Variants in MROH2B observed in about 807,000 individuals in gnomAD.
MROH2B encodes maestro heat like repeat family member 2B.
A neutral mutation model predicts 208.6 loss-of-function variants in MROH2B; 177 were observed. The observed-to-expected ratio is 0.85, with a 90% confidence interval of 0.75 to 0.96. The LOEUF (loss-of-function observed/expected upper bound fraction) is 0.96, where lower values mean the gene tolerates loss of function less well. Ranked by LOEUF, MROH2B falls within the 40% of genes least tolerant of loss-of-function variation. The probability of loss-of-function intolerance (pLI) is 0.00; values close to 1 mark genes in which losing one functional copy is unlikely to be tolerated. For missense variants in MROH2B, 2,002 were observed against 1,878.7 expected, an observed-to-expected ratio of 1.07 and a Z score of -1.21; for synonymous variants, 728 against 659.0, an observed-to-expected ratio of 1.10 and a Z score of -1.60.
chr5:41,040,708 C>T (rs1294603611), intron 19 of MROH2B, among the ~76,000 whole-genome samples: 1 of 152,044 alleles, frequency 6.6e-6, no homozygotes, highest in Non-Finnish European at 1.5e-5. Context: ...ACACTGTCAA[C>T]CAGGCTGGAG....
chr5:41,043,127 A>G (rs1743006107), intron 18 of MROH2B, among the ~76,000 whole-genome samples: 1 of 152,226 alleles, frequency 6.6e-6, no homozygotes, highest in Admixed American at 6.5e-5. Context: ...GAGGAAAGGA[A>G]ATTCTAATAG....
intron 24 of MROH2B, among the ~76,000 whole-genome samples, chr5:41,024,294 C>G (rs141477040): frequency 0.038 from 5,799 of 152,214 alleles, 161 homozygotes; most frequent in Middle Eastern, 0.095. Context: ...AAACCCATCT[C>G]ACATGCAGAG....
intron 30 of MROH2B, among the ~76,000 whole-genome samples, 174 bp downstream of exon 30, chr5:41,012,409 T>G (rs6898235): frequency 0.48 from 72,403 of 152,146 alleles, 17,366 homozygotes; most frequent in African/African-American, 0.52. Context: ...TTGAGACAGG[T>G]CCTCAACGTG....
chr5:41,048,587 T>C, intron 15 of MROH2B, 122 bp from the exon 16 acceptor site: 1 of 1,091,260 alleles, frequency 9.2e-7, no homozygotes, highest in Non-Finnish European at 1.3e-6. Flanking sequence ...TTTTAACAAA[T>C]CATCACAGTC....
intron 16 of MROH2B, 195 bp downstream of exon 16, chr5:41,048,129 C>A: frequency 5.1e-6 from 3 of 589,132 alleles, no homozygotes; most frequent in Non-Finnish European, 8.1e-6. Flanking sequence ...CCTACTAGGT[C>A]TTCTTGTAGT....
rs1489027732 is a variant in MROH2B, at chr5:41,049,441, G to A, written c.1345-5C>T. 6 of 1,608,432 alleles carry A rather than the reference G, an allele frequency of 3.7e-6. No homozygotes were observed. The highest frequency in any genetic ancestry group is 5.1e-6 in the Non-Finnish European group (6 of 1,178,132). Reference sequence around the variant, plus strand: ...CAGGATCCTTGGCCATAGCACCTGTGGAAAACAGGGCATGATGCAAGGATT... The same window carrying A: ...CAGGATCCTTGGCCATAGCACCTGTAGAAAACAGGGCATGATGCAAGGATT... On this transcript the variant is annotated splice_polypyrimidine_tract_variant and splice_region_variant and intron_variant, in intron 13 of 41. Transcript: ENST00000399564.
At chr5:41,015,285 G>T in intron 29 of MROH2B, 96 bp downstream of exon 29, 2 of 1,094,334 alleles carry the variant, frequency 1.8e-6, no homozygotes, top group South Asian at 1.6e-5. Context: ...CATTCAGCTT[G>T]AATATCTATC....
At chr5:41,047,841 C>A in intron 16 of MROH2B, 77 bp from the exon 17 acceptor site, 3 of 1,217,954 alleles carry the variant, frequency 2.5e-6, no homozygotes, top group Non-Finnish European at 3.5e-6. Flanking sequence ...TCCAGGCCTC[C>A]AGTGATACTG....
chr5:41,059,747 C>T (rs1299295326), intron 6 of MROH2B, among the ~76,000 whole-genome samples: 3 of 152,126 alleles, frequency 2.0e-5, no homozygotes, highest in Non-Finnish European at 2.9e-5. Flanking sequence ...AGCACATTCC[C>T]TATTCTCCAT....
At position 41,008,620 on chromosome 5, in the gene MROH2B, G is replaced by T; in HGVS notation, c.3594C>A (p.Ile1198=). Residue 1198 remains isoleucine, a synonymous_variant, in exon 33 of 42, where the codon ATC becomes ATA. Coordinates refer to ENST00000399564, the MANE Select transcript of MROH2B (RefSeq NM_173489.5). ...TGGCCGTTTACCTGCAGGGGTCTGG[G>T]ATCTGCTGCTGTTCTCCCTGCTGCA... ...HVMQQGEQQQ[I]PDPCRLSTAT... is the part of the protein sequence containing the mutation. The T allele has an allele frequency of 6.2e-7, 1 of 1,613,748 alleles. No homozygotes were observed. The highest frequency in any genetic ancestry group is 8.5e-7 in the Non-Finnish European group (1 of 1,179,800).
At position 41,064,475 on chromosome 5, in the gene MROH2B, T is replaced by C; in HGVS notation, c.457A>G (p.Ile153Val). The change falls in exon 5 of 42, where the codon ATT becomes GTT. Residue 153 changes from isoleucine (I) to valine (V), a missense_variant. Ile to Val is a conservative substitution (Grantham distance 29). Coordinates refer to ENST00000399564, the MANE Select transcript of MROH2B (RefSeq NM_173489.5). The part of the protein sequence containing the change: ...EDERMKGTFC[I>V]ALEKFSKAIY... ...AGGAAATCATCGGGATACCCACCAA[T>C]ACAGAAAGTCCCCTTCATCCTTTCA... The C allele has an allele frequency of 6.2e-7, 1 of 1,612,820 alleles. No homozygotes were observed. Among genetic ancestry groups the C allele is most frequent in the Non-Finnish European group, 8.5e-7 (1 of 1,179,166 alleles).
At chr5:41,034,045 G>A in intron 21 of MROH2B, 181 bp from the exon 22 acceptor site, 1 of 985,036 alleles carries the variant, frequency 1.0e-6, no homozygotes, top group East Asian at 1.1e-4. Context: ...TTTAAAGTGA[G>A]ACCTTGTACA....
intron 37 of MROH2B, among the ~76,000 whole-genome samples, chr5:41,003,078 A>G (rs1450864124): frequency 6.7e-6 from 1 of 150,334 alleles, no homozygotes; most frequent in Non-Finnish European, 1.5e-5. Context: ...ATCCTGTCTC[A>G]GTCTCCCTAG....
At chr5:41,055,160 A>G (rs1202756807) in intron 10 of MROH2B, among the ~76,000 whole-genome samples, 3 of 152,328 alleles carry the variant, frequency 2.0e-5, no homozygotes, top group Non-Finnish European at 2.9e-5. Flanking sequence ...TCTTCAGTAA[A>G]TCAAAGTGCT....
At chr5:41,002,564 A>ATTTT (rs1299700180) in intron 37 of MROH2B, among the ~76,000 whole-genome samples, 5 of 152,384 alleles carry the variant, frequency 3.3e-5, no homozygotes, top group Middle Eastern at 6.8e-3. Flanking sequence ...TTGGGGCAAT[A>ATTTT]GATCATAGAG....
intron 10 of MROH2B, among the ~76,000 whole-genome samples, chr5:41,055,119 T>C (rs1480198010): frequency 2.0e-5 from 3 of 152,212 alleles, no homozygotes; most frequent in Non-Finnish European, 4.4e-5. Context: ...GATCTAAATA[T>C]TGTGAGACTG....
chr5:41,031,813 C>T (rs1331372667), intron 24 of MROH2B, among the ~76,000 whole-genome samples: 2 of 152,088 alleles, frequency 1.3e-5, no homozygotes, highest in African/African-American at 4.8e-5. Flanking sequence ...ATTTAGCTCT[C>T]ACTTATAAAA....
chr5:41,039,520 G>C lies in MROH2B; in HGVS notation c.1989C>G (p.Asn663Lys). Residue 663 changes from asparagine (N) to lysine (K), a missense_variant, in exon 20 of 42, where the codon AAC (asparagine) becomes AAG (lysine). Asn to Lys is a moderately conservative substitution (Grantham distance 94). Transcript: ENST00000399564. ...ITSILGYCAENHLDIVLKVLK... is the reference protein window; with the variant it reads ...ITSILGYCAEKHLDIVLKVLK... Reference sequence around the variant, plus strand: ...GAACTTTTAAAACAATATCCAAATGGTTCTCGGCACAGTATCCTAAAATAG... The same window carrying C: ...GAACTTTTAAAACAATATCCAAATGCTTCTCGGCACAGTATCCTAAAATAG... The C allele has an allele frequency of 6.2e-7, 1 of 1,607,200 alleles. No homozygotes were observed. Among genetic ancestry groups the C allele is most frequent in the South Asian group, 1.1e-5 (1 of 89,434 alleles).
At position 41,012,739 on chromosome 5, in the gene MROH2B, A is replaced by C; in HGVS notation, c.2983-4T>G. On this transcript the variant is annotated splice_polypyrimidine_tract_variant and splice_region_variant and intron_variant, in intron 29 of 41. Coordinates refer to ENST00000399564, the MANE Select transcript of MROH2B (RefSeq NM_173489.5). ...TTGGGATGAACTTACTGACAATCTG[A>C]AAATGCACCCAGAAAGATTCGTGTA... The C allele has an allele frequency of 2.5e-6, 4 of 1,612,946 alleles. No individual in the cohort carries two copies. Among genetic ancestry groups the C allele is most frequent in the Non-Finnish European group, 3.4e-6 (4 of 1,179,432 alleles).
Sources: gnomAD v4.1 joint callset for allele counts (sites outside exome capture counted in the v4.1 genomes callset) on GRCh38, gnomAD v4.1.1 for gene constraint, MANE v1.5 for transcripts, NCBI Gene and HGNC (gene_info 2026-07-23, HGNC 2026-07-21) for gene names.